PARP8: variants seen among roughly 807,000 people sequenced by gnomAD.
PARP8 encodes the protein protein mono-ADP-ribosyltransferase PARP8.
In PARP8, 51 loss-of-function variants were observed where a neutral mutation model predicts 124.1. The observed-to-expected ratio is 0.41, with a 90% CI of 0.33 to 0.52. The LOEUF (loss-of-function observed/expected upper bound fraction) is 0.52. PARP8 is among the 20% of genes least tolerant of loss of function. The pLI is 0.21. For synonymous variants in PARP8, 391 were observed against 361.5 expected (o/e 1.08, Z -0.93); for missense variants, 860 against 1,018.9 (o/e 0.84, Z 2.12).
chr5:50,792,044 GT>G, intron 10 of PARP8, among the ~76,000 whole-genome samples: 1 of 152,084 alleles, frequency 6.6e-6, no homozygotes, highest in East Asian at 1.9e-4. Context: ...ACTTGCTTTT[GT>G]CCACTGCCCT....
At chr5:50,826,558 A>G (rs1347880441) in intron 18 of PARP8, among the ~76,000 whole-genome samples, 197 bp from the exon 19 acceptor site, 1 of 152,134 alleles carries the variant, frequency 6.6e-6, no homozygotes, top group African/African-American at 2.4e-5. Context: ...TTCTCAGATT[A>G]AAATATTACC....
Position 50,822,370 on chromosome 5 carries a change from T to A in PARP8, c.1830T>A (p.Asp610Glu). The A allele has an allele frequency of 6.2e-7, 1 of 1,611,472 alleles. No homozygotes were observed. Among genetic ancestry groups the A allele is most frequent in the South Asian group, 1.1e-5 (1 of 91,008 alleles). The change falls in exon 17 of 26, where the codon GAT becomes GAA. Residue 610 changes from aspartate to glutamate, a missense_variant. Asp to Glu is a conservative substitution (Grantham distance 45, BLOSUM62 2). This residue lies in a region of PARP8 where 343 missense variants were observed against 474.7 expected (regional missense o/e 0.72). Coordinates refer to ENST00000281631, the MANE Select transcript of PARP8 (RefSeq NM_024615.4). ...KNYDRVMKAL[D>E]SITSIREMTQ... ...ATGATCGAGTAATGAAAGCACTGGA[T>A]AGCATAACTTCTATCAGAGAAATGA...
chr5:50,667,434 G>T, intron 1 of PARP8: 2 of 701,070 alleles, frequency 2.9e-6, no homozygotes, highest in Non-Finnish European at 5.2e-6. Flanking sequence ...TGGCCGGAGC[G>T]GGGGTCTAGG....
rs191571517 is a variant in PARP8, at chr5:50,697,385, A to G, written c.146+29260A>G. On this transcript the variant is annotated intron_variant, in intron 2 of 25. Coordinates refer to ENST00000281631, the MANE Select transcript of PARP8 (RefSeq NM_024615.4). ...GAATCTTATCTGAAAATCCTATCTCATATTTCAAATCCTGTGCAGCAGGAT... is the reference window on the plus strand; with the variant it reads ...GAATCTTATCTGAAAATCCTATCTCGTATTTCAAATCCTGTGCAGCAGGAT... Among the ~76,000 whole-genome samples, 63 of 152,370 alleles carry G rather than the reference A, an allele frequency of 4.1e-4. No homozygotes were observed. The Middle Eastern group carries it at 0.017, about 41-fold the overall frequency.
At chr5:50,840,559 G>A (rs1748068448) in intron 25 of PARP8, among the ~76,000 whole-genome samples, 1 of 151,860 alleles carries the variant, frequency 6.6e-6, no homozygotes, top group Non-Finnish European at 1.5e-5. Flanking sequence ...CTGTAGCAAA[G>A]TTATATAGAG....
At chr5:50,781,863 C>T (rs183007195) in intron 9 of PARP8, among the ~76,000 whole-genome samples, 50 of 152,298 alleles carry the variant, frequency 3.3e-4, no homozygotes, top group South Asian at 8.3e-4. Flanking sequence ...CTAGAACTTT[C>T]CCTGGATTTG....
chr5:50,672,374 CTT>C (rs1397413772), intron 2 of PARP8, among the ~76,000 whole-genome samples: 11 of 152,192 alleles, frequency 7.2e-5, no homozygotes, highest in African/African-American at 2.7e-4. Context: ...TGTTGAATGA[CTT>C]ACAAAATGAA....
intron 2 of PARP8, among the ~76,000 whole-genome samples, chr5:50,735,091 G>T (rs1343714702): frequency 1.3e-5 from 2 of 152,036 alleles, no homozygotes; most frequent in Admixed American, 6.6e-5. Flanking sequence ...ATTGATGCTT[G>T]CTTCTCTTGT....
intron 2 of PARP8, among the ~76,000 whole-genome samples, chr5:50,704,080 T>A (rs1753875721): frequency 6.6e-6 from 1 of 152,102 alleles, no homozygotes; most frequent in Non-Finnish European, 1.5e-5. Context: ...TTAATTCACA[T>A]TCAGTCTTTT....
chr5:50,789,400 T>C (rs1357574487), intron 10 of PARP8, among the ~76,000 whole-genome samples: 3 of 152,142 alleles, frequency 2.0e-5, no homozygotes, highest in Admixed American at 1.3e-4. Flanking sequence ...ACTGATGTGA[T>C]CTAAGGCACA....
intron 14 of PARP8, among the ~76,000 whole-genome samples, chr5:50,806,003 T>C (rs556170378): frequency 1.3e-5 from 2 of 152,064 alleles, no homozygotes; most frequent in Non-Finnish European, 2.9e-5. Flanking sequence ...CCTGTTGATA[T>C]TGATCTATTG....
chr5:50,813,266 C>T (rs1370717979), intron 14 of PARP8, among the ~76,000 whole-genome samples: 3 of 152,096 alleles, frequency 2.0e-5, no homozygotes, highest in Admixed American at 2.0e-4. Context: ...TCTTTTATTT[C>T]GTTGAGCAGT....
At chr5:50,760,602 T>A (rs562508205) in intron 5 of PARP8, among the ~76,000 whole-genome samples, 1 of 152,174 alleles carries the variant, frequency 6.6e-6, no homozygotes, top group East Asian at 1.9e-4. Context: ...AAAATGTATA[T>A]AAAGCTTAAT....
rs554121207 is a variant in PARP8, at chr5:50,713,494, GCC to G, written c.147-36656_147-36655del. On this transcript the variant is annotated intron_variant, in intron 2 of 25. Coordinates refer to ENST00000281631, the MANE Select transcript of PARP8 (RefSeq NM_024615.4). ...GGGCTCATGTGATTTGCTCCCCTGT[GCC>G]TCCCATAGTGCTGGGATTACAGGCG... is the stretch of plus-strand genomic sequence containing the variant. Among the ~76,000 whole-genome samples the G allele has an allele frequency of 1.3e-3, 202 of 152,078 alleles. 1 individual carries two copies. Among genetic ancestry groups the G allele is most frequent in the African/African-American group, 4.8e-3 (200 of 41,506 alleles).
At chr5:50,739,192 T>C in intron 2 of PARP8, 1 of 638,516 alleles carries the variant, frequency 1.6e-6, no homozygotes, top group South Asian at 1.7e-5. Context: ...TTCCTTCCAT[T>C]GCAGGGGGAT....
At chr5:50,813,681 G>A (rs1744748492) in intron 14 of PARP8, among the ~76,000 whole-genome samples, 1 of 152,152 alleles carries the variant, frequency 6.6e-6, no homozygotes, top group African/African-American at 2.4e-5. Context: ...AGTTTTCAAA[G>A]GGAATGCTTC....
intron 19 of PARP8, among the ~76,000 whole-genome samples, chr5:50,827,153 T>C (rs1215816780): frequency 6.6e-6 from 1 of 152,136 alleles, no homozygotes; most frequent in African/African-American, 2.4e-5. Context: ...CATTTCCACT[T>C]TTCTACAGCT....
intron 2 of PARP8, among the ~76,000 whole-genome samples, chr5:50,696,410 A>G (rs1451470820): frequency 4.6e-5 from 7 of 152,208 alleles, no homozygotes; most frequent in Admixed American, 4.6e-4. Flanking sequence ...GGAAGTATGC[A>G]TTAAATTTCT....
At chr5:50,773,412 C>T (rs536260761) in intron 7 of PARP8, among the ~76,000 whole-genome samples, 12 of 152,256 alleles carry the variant, frequency 7.9e-5, no homozygotes, top group African/African-American at 2.4e-4. Flanking sequence ...TTCCCAGCAC[C>T]ATTTATTGAA....
Sources: gnomAD v4.1 joint callset for allele counts (sites outside exome capture counted in the v4.1 genomes callset) on GRCh38, gnomAD v4.1.1 for gene constraint, gnomAD v4.1.1 regional missense constraint, MANE v1.5 for transcripts, NCBI Gene and HGNC (gene_info 2026-07-23, HGNC 2026-07-21) for gene names.